Variants in CRACDL observed in about 807,000 individuals in gnomAD.
The protein encoded by CRACDL is CRACD-like protein.
A neutral mutation model predicts 70.6 loss-of-function variants in CRACDL; 26 were observed. The observed-to-expected ratio is 0.37, with a 90% CI of 0.27 to 0.51. The LOEUF is 0.51. Among genes scored for constraint, CRACDL ranks in the 20% least tolerant of loss-of-function variants. The pLI is 0.94. For synonymous variants in CRACDL, 618 were observed against 615.2 expected, an observed-to-expected ratio of 1.00 and a Z score of -0.07; for missense variants, 1,283 against 1,376.9, an observed-to-expected ratio of 0.93 and a Z score of 1.08.
chr2:98,922,438 C>CAAAA (rs565954351), intron 1 of CRACDL, among the ~76,000 whole-genome samples: 2 of 63,464 alleles, frequency 3.2e-5, no homozygotes, highest in East Asian at 5.2e-4. Context: ...GACTCCGTCT[C>CAAAA]AAAAAAAAAA....
At position 98,866,475 on chromosome 2, in the gene CRACDL, C is replaced by CTTTTTTTTT. The variant is rs1173322192; in HGVS notation, c.-10-19674_-10-19666dup. 7.0e-3 allele frequency among the ~76,000 whole-genome samples: 302 copies of CTTTTTTTTT among 43,210 alleles called. 22 individuals are homozygous for CTTTTTTTTT. Among genetic ancestry groups the CTTTTTTTTT allele is most frequent in the African/African-American group, 0.025 (252 of 9,948 alleles). 28.3% of individuals were successfully genotyped at this position (43,210 alleles called of 152,430 possible). A position where few individuals can be genotyped will look rare whatever the true frequency, so the allele number is the denominator to read the frequency against. On this transcript the variant is annotated intron_variant, in intron 1 of 9. Transcript: ENST00000397899. ...CTGATAGATGAAACAATCACTTCTT[C>CTTTTTTTTT]TTTTTTTTTTTTTTTTTTTTTTTTT...
chr2:98,912,532 G>C (rs1400231334), intron 1 of CRACDL, among the ~76,000 whole-genome samples: 1 of 152,194 alleles, frequency 6.6e-6, no homozygotes, highest in African/African-American at 2.4e-5. Flanking sequence ...ATCTATGATC[G>C]GGCTTGTGCT....
rs951161079 is a variant in CRACDL at position 98,822,375 on chromosome 2, G to A, written c.1898C>T (p.Ala633Val). ...QHAKPGPRKL[A>V]ERGPQDSGDR... ...CCCCGAGTCCTGAGGGCCGCGCTCC[G>A]CCAGCTTCCGAGGGCCAGGTTTCGC... is the stretch of plus-strand genomic sequence containing the variant. Residue 633 changes from alanine to valine, a missense_variant, in exon 7 of 10, where the codon GCG becomes GTG. Transcript: ENST00000397899. This position sits in a 1 kb window ranked among gnomAD's most constrained non-coding sequence, Gnocchi z 4.9. The A allele has an allele frequency of 2.0e-6, 3 of 1,473,306 alleles. No individual in the cohort carries two copies. Among genetic ancestry groups the A allele is most frequent in the East Asian group, 2.9e-5 (1 of 34,794 alleles). The allele number at this position is 1,473,306 out of a possible 1,614,324, so 91.3% of individuals were successfully genotyped here. A position where few individuals can be genotyped will look rare whatever the true frequency, so the allele number is the denominator to read the frequency against.
intron 1 of CRACDL, among the ~76,000 whole-genome samples, chr2:98,865,299 C>T (rs189140061): frequency 4.5e-4 from 69 of 152,216 alleles, no homozygotes; most frequent in African/African-American, 1.5e-3. Flanking sequence ...ATTCCACTTC[C>T]GCAGGAAGAC....
intron 1 of CRACDL, among the ~76,000 whole-genome samples, chr2:98,853,093 C>T (rs1206044485): frequency 6.6e-6 from 1 of 151,992 alleles, no homozygotes; most frequent in Non-Finnish European, 1.5e-5. Flanking sequence ...TACGAATAAA[C>T]ATTTCTCCAA....
intron 1 of CRACDL, among the ~76,000 whole-genome samples, chr2:98,910,521 A>AAAATAAATAAATAAATAAAT (rs61614119): frequency 3.0e-4 from 42 of 140,740 alleles, no homozygotes; most frequent in Non-Finnish European, 1.5e-5. Context: ...ACTCTGTCTC[A>AAAATAAATAAATAAATAAAT]AAATAAATAA....
At chr2:98,923,954 T>C (rs1708859281) in intron 1 of CRACDL, among the ~76,000 whole-genome samples, 1 of 152,184 alleles carries the variant, frequency 6.6e-6, no homozygotes, top group South Asian at 2.1e-4. Context: ...AATTCCACTT[T>C]AGTTGACAGT....
chr2:98,868,830 A>G (rs962388946), intron 1 of CRACDL, among the ~76,000 whole-genome samples: 1 of 152,160 alleles, frequency 6.6e-6, no homozygotes, highest in African/African-American at 2.4e-5. Context: ...TCTCTTTATG[A>G]ATATGCGTGT....
intron 1 of CRACDL, among the ~76,000 whole-genome samples, chr2:98,869,969 A>G (rs1707285654): frequency 6.6e-6 from 1 of 151,606 alleles, no homozygotes; most frequent in Non-Finnish European, 1.5e-5. Context: ...CAGGGGCCAC[A>G]CCCTCCCAAA....
chr2:98,801,292 AAAAG>A (rs1704064213), intron 7 of CRACDL, among the ~76,000 whole-genome samples: 1 of 152,220 alleles, frequency 6.6e-6, no homozygotes, highest in African/African-American at 2.4e-5. Flanking sequence ...GACACCAGGA[AAAAG>A]AGAGAGAACC....
At chr2:98,832,275 G>C (rs1705573737) in intron 5 of CRACDL, 73 bp downstream of exon 5, 2 of 1,528,442 alleles carry the variant, frequency 1.3e-6, no homozygotes, top group East Asian at 2.2e-5. Context: ...GGCACACACA[G>C]GGGATCTCAG....
At chr2:98,826,920 G>A in intron 6 of CRACDL, 55 bp downstream of exon 6, 1 of 1,407,498 alleles carries the variant, frequency 7.1e-7, no homozygotes, top group Non-Finnish European at 9.8e-7. Flanking sequence ...GGGGGGCATA[G>A]GGGGGTGCCA....
intron 1 of CRACDL, among the ~76,000 whole-genome samples, chr2:98,906,155 G>T (rs1471810058): frequency 1.3e-5 from 2 of 152,026 alleles, no homozygotes; most frequent in African/African-American, 4.8e-5. Flanking sequence ...GACTCAGTTT[G>T]AATGGTTTTT....
chr2:98,834,051 G>T (rs577233250), intron 3 of CRACDL, among the ~76,000 whole-genome samples: 2 of 152,274 alleles, frequency 1.3e-5, no homozygotes, highest in African/African-American at 4.8e-5. Context: ...TGCCAGGGAG[G>T]GAACTACGCC....
chr2:98,904,775 G>A (rs1445820784), intron 1 of CRACDL, among the ~76,000 whole-genome samples: 2 of 152,158 alleles, frequency 1.3e-5, no homozygotes, highest in Admixed American at 1.3e-4. Flanking sequence ...AACAATCATG[G>A]TTATACCTGC....
chr2:98,890,730 T>C (rs936890269), intron 1 of CRACDL, among the ~76,000 whole-genome samples: 1 of 152,202 alleles, frequency 6.6e-6, no homozygotes, highest in Non-Finnish European at 1.5e-5. Flanking sequence ...AATGAGCATT[T>C]CATTTGAGCC....
At chr2:98,813,377 A>G (rs1704651411) in intron 7 of CRACDL, among the ~76,000 whole-genome samples, 1 of 152,238 alleles carries the variant, frequency 6.6e-6, no homozygotes, top group African/African-American at 2.4e-5. Flanking sequence ...GGTTGCAGTG[A>G]GCCAAGATTG....
chr2:98,905,347 G>A (rs553243547), intron 1 of CRACDL, among the ~76,000 whole-genome samples: 32 of 151,698 alleles, frequency 2.1e-4, no homozygotes, highest in African/African-American at 7.7e-4. Context: ...CTTCCACCAT[G>A]CTTGGAAGCT....
intron 7 of CRACDL, among the ~76,000 whole-genome samples, chr2:98,807,076 C>A (rs953922672): frequency 2.0e-5 from 3 of 152,194 alleles, no homozygotes; most frequent in African/African-American, 4.8e-5. Flanking sequence ...ATGACCCTCA[C>A]AGCCCTCCTT....
Sources: gnomAD v4.1 joint callset for allele counts (sites outside exome capture counted in the v4.1 genomes callset) on GRCh38, gnomAD v4.1.1 for gene constraint, Gnocchi (gnomAD v3.1) non-coding constraint, MANE v1.5 for transcripts, NCBI Gene and HGNC (gene_info 2026-07-23, HGNC 2026-07-21) for gene names.